The following PTPRT variants were observed in gnomAD, a reference collection of about 807,000 sequenced individuals.
The protein encoded by PTPRT is protein tyrosine phosphatase receptor type T.
Under a neutral mutation model 176.8 loss-of-function variants are expected in PTPRT, and 56 were observed. The observed-to-expected ratio is 0.32, with a 90% CI of 0.26 to 0.40. The LOEUF (loss-of-function observed/expected upper bound fraction) is 0.40. Ranked by LOEUF, PTPRT falls within the 10% of genes least tolerant of loss-of-function variation. PTPRT has a pLI of 1.00. For synonymous variants in PTPRT, 783 were observed against 739.0 expected, an observed-to-expected ratio of 1.06 and a Z score of -0.96; for missense variants, 1,540 against 1,908.2, an observed-to-expected ratio of 0.81 and a Z score of 3.60.
At chr20:42,553,200 A>C (rs2072799400) in intron 7 of PTPRT, among the ~76,000 whole-genome samples, 1 of 152,180 alleles carries the variant, frequency 6.6e-6, no homozygotes, top group Admixed American at 6.6e-5. Flanking sequence ...AGGCTAGCTC[A>C]AACAAAATCT....
chr20:43,044,333 GGTGATAGTGTCC>G (rs1422655233), intron 1 of PTPRT, among the ~76,000 whole-genome samples: 3 of 152,088 alleles, frequency 2.0e-5, no homozygotes, highest in Non-Finnish European at 2.9e-5. Flanking sequence ...GAAGGCTGGT[GGTGATAGTGTCC>G]GCCAGGGAGA....
intron 13 of PTPRT, among the ~76,000 whole-genome samples, chr20:42,271,320 C>G (rs571710569): frequency 6.6e-6 from 1 of 152,322 alleles, no homozygotes; most frequent in Non-Finnish European, 1.5e-5. Context: ...TGCTCCTTCA[C>G]CTGGCTGATA....
At chr20:42,883,665 C>CCCA (rs2079040596) in intron 2 of PTPRT, among the ~76,000 whole-genome samples, 2 of 15,106 alleles carry the variant, frequency 1.3e-4, no homozygotes, top group African/African-American at 2.3e-4. Context: ...ATACACACAC[C>CCCA]CATACAAACA....
chr20:42,999,288 C>T (rs2146124850), intron 1 of PTPRT, among the ~76,000 whole-genome samples: 1 of 152,230 alleles, frequency 6.6e-6, no homozygotes, highest in Middle Eastern at 3.4e-3. Context: ...CGTCAAAAAG[C>T]AAACAGTCAT....
chr20:42,176,451 C>G (rs2146566225), intron 16 of PTPRT, among the ~76,000 whole-genome samples: 1 of 152,306 alleles, frequency 6.6e-6, no homozygotes, highest in Non-Finnish European at 1.5e-5. Flanking sequence ...TTCAGCTTCA[C>G]TGTGGCTCCA....
chr20:42,281,834 G>A (rs1215003365), intron 13 of PTPRT, among the ~76,000 whole-genome samples: 2 of 152,142 alleles, frequency 1.3e-5, no homozygotes, highest in Admixed American at 1.3e-4. Context: ...ATTCAACCCT[G>A]TAATAGGTTA....
In PTPRT at chr20:43,188,753, G is replaced by GGC. The variant is rs1555845648; in HGVS notation, c.88+892_88+893insGC. Among the ~76,000 whole-genome samples the GGC allele has an allele frequency of 2.7e-4, 41 of 150,604 alleles. 2 individuals carry two copies. The South Asian group carries it at 4.0e-3, about 15-fold the overall frequency. Reference sequence around the variant, plus strand: ...TCTTCCCTCCGCCGCTACTCTTGGGGGGGGGGGGGCTCGGGGGTGGAAGCT... The same window carrying GGC: ...TCTTCCCTCCGCCGCTACTCTTGGGGGCGGGGGGGGGCTCGGGGGTGGAAGCT... On this transcript the variant is annotated intron_variant, in intron 1 of 30. Coordinates refer to ENST00000373187, the MANE Select transcript of PTPRT (RefSeq NM_007050.6).
At chr20:42,402,898 G>A (rs558020845) in intron 9 of PTPRT, among the ~76,000 whole-genome samples, 16 of 152,128 alleles carry the variant, frequency 1.1e-4, no homozygotes, top group African/African-American at 3.6e-4. Flanking sequence ...GAGCATGTGG[G>A]TATTACAAGG....
At chr20:42,752,373 G>A (rs1053276947) in intron 6 of PTPRT, among the ~76,000 whole-genome samples, 5 of 152,192 alleles carry the variant, frequency 3.3e-5, no homozygotes, top group Admixed American at 3.3e-4. Flanking sequence ...CCTGTTCCCA[G>A]ATGAGCCAGC....
At chr20:42,083,923 T>G (rs974420420) in intron 29 of PTPRT, among the ~76,000 whole-genome samples, 17 of 152,204 alleles carry the variant, frequency 1.1e-4, no homozygotes, top group African/African-American at 3.9e-4. Flanking sequence ...ACTCCCAGGA[T>G]AGATTCTGTG....
intron 11 of PTPRT, among the ~76,000 whole-genome samples, chr20:42,324,444 G>A (rs1026108376): frequency 1.3e-5 from 2 of 152,146 alleles, no homozygotes; most frequent in Non-Finnish European, 2.9e-5. Flanking sequence ...TGGGACTGTG[G>A]TGATAGTTGC....
At chr20:42,870,084 A>G (rs2078819248) in intron 2 of PTPRT, among the ~76,000 whole-genome samples, 2 of 152,208 alleles carry the variant, frequency 1.3e-5, no homozygotes, top group South Asian at 4.1e-4. Flanking sequence ...GATTTCTATT[A>G]TTCATAAATT....
chr20:42,535,337 G>T (rs1343208455), intron 7 of PTPRT, among the ~76,000 whole-genome samples: 1 of 152,058 alleles, frequency 6.6e-6, no homozygotes, highest in Non-Finnish European at 1.5e-5. Flanking sequence ...TAGAGGGAGG[G>T]AGGAGGGTGA....
At chr20:42,215,301 A>G (rs1009834722) in intron 15 of PTPRT, among the ~76,000 whole-genome samples, 9 of 152,102 alleles carry the variant, frequency 5.9e-5, no homozygotes, top group Non-Finnish European at 1.2e-4. Context: ...TCAGGTCTCC[A>G]TTTCTGTGAC....
At chr20:42,674,304 C>A (rs1398870957) in intron 7 of PTPRT, among the ~76,000 whole-genome samples, 1 of 152,012 alleles carries the variant, frequency 6.6e-6, no homozygotes, top group Non-Finnish European at 1.5e-5. Context: ...AATAAAATAC[C>A]ACAATTGCAT....
At chr20:43,051,385 C>T (rs1568755060) in intron 1 of PTPRT, among the ~76,000 whole-genome samples, 2 of 152,198 alleles carry the variant, frequency 1.3e-5, no homozygotes, top group African/African-American at 4.8e-5. Flanking sequence ...TGCTCTTTCC[C>T]TTCCCTTAGT....
Position 42,434,162 on chromosome 20 carries a change from T to C in PTPRT, c.1560+14058A>G, listed in dbSNP as rs1432985754. On this transcript the variant is annotated intron_variant, in intron 9 of 30. Transcript: ENST00000373187. ...TAAACCCACATGAAGATGGCTAGTG[T>C]GTTATTTCCACTCCCTATTTTTCTA... is the stretch of plus-strand genomic sequence containing the variant. Among the ~76,000 whole-genome samples the C allele has an allele frequency of 2.6e-5, 4 of 152,312 alleles. No individual in the cohort carries two copies. In the East Asian group the frequency reaches 7.7e-4, roughly 29 times the overall value.
intron 25 of PTPRT, among the ~76,000 whole-genome samples, chr20:42,103,296 C>T (rs1986127851): frequency 6.6e-6 from 1 of 152,160 alleles, no homozygotes; most frequent in African/African-American, 2.4e-5. Context: ...TGTTCTAGGA[C>T]AGTACTTCTC....
chr20:42,188,774 C>A (rs1207378538), intron 16 of PTPRT, among the ~76,000 whole-genome samples: 2 of 152,122 alleles, frequency 1.3e-5, no homozygotes, highest in African/African-American at 4.8e-5. Flanking sequence ...GTGTAGAGAA[C>A]AATTCTATTT....
Sources: allele counts gnomAD v4.1 joint callset (sites outside exome capture counted in the v4.1 genomes callset), GRCh38; gene constraint gnomAD v4.1.1; transcripts MANE v1.5; gene names NCBI Gene and HGNC (gene_info 2026-07-23, HGNC 2026-07-21).